MOB3B: variants seen among roughly 807,000 people sequenced by gnomAD.
The protein encoded by MOB3B is MOB kinase activator 3B.
MOB3B carries 7 observed loss-of-function variants against 18.7 expected under a neutral mutation model. The ratio of observed to expected loss-of-function variants is 0.37; its 90% CI spans 0.21 to 0.70. The LOEUF is 0.70. Among genes scored for constraint, MOB3B ranks in the 30% least tolerant of loss-of-function variants. MOB3B has a pLI of 0.52. For synonymous variants in MOB3B, 111 were observed against 99.9 expected (o/e 1.11, Z -0.66); for missense variants, 253 against 281.3 (o/e 0.90, Z 0.72).
intron 1 of MOB3B, among the ~76,000 whole-genome samples, chr9:27,460,603 T>C (rs1397599928): frequency 1.3e-5 from 2 of 152,060 alleles, no homozygotes; most frequent in African/African-American, 2.4e-5. Flanking sequence ...ACCTTGGTGG[T>C]ACTGAAGGGT....
intron 2 of MOB3B, among the ~76,000 whole-genome samples, chr9:27,429,489 A>G (rs1822386786): frequency 6.6e-6 from 1 of 152,244 alleles, no homozygotes; most frequent in Non-Finnish European, 1.5e-5. Flanking sequence ...AGCAATTCAA[A>G]ATGATAAATA....
chr9:27,339,805 G>A (rs141776512), intron 3 of MOB3B, among the ~76,000 whole-genome samples: 34 of 152,294 alleles, frequency 2.2e-4, no homozygotes, highest in African/African-American at 8.2e-4. Context: ...CTGAATCAGC[G>A]GCTGTACCAC....
At chr9:27,471,866 A>G (rs1251931435) in intron 1 of MOB3B, among the ~76,000 whole-genome samples, 2 of 152,192 alleles carry the variant, frequency 1.3e-5, no homozygotes, top group Non-Finnish European at 2.9e-5. Flanking sequence ...TTAGTGGGTT[A>G]TACCTTGCAG....
At chr9:27,492,664 C>T (rs973812625) in intron 1 of MOB3B, among the ~76,000 whole-genome samples, 1 of 152,226 alleles carries the variant, frequency 6.6e-6, no homozygotes, top group Non-Finnish European at 1.5e-5. Flanking sequence ...CTAATTGCAT[C>T]TGGAGCAGAA....
chr9:27,380,069 T>G (rs1382636692), intron 2 of MOB3B, among the ~76,000 whole-genome samples: 4 of 152,086 alleles, frequency 2.6e-5, no homozygotes, highest in African/African-American at 9.7e-5. Context: ...ACCCACGCCT[T>G]TCTGGGAAAA....
At chr9:27,496,672 G>A (rs934449505) in intron 1 of MOB3B, among the ~76,000 whole-genome samples, 1 of 152,152 alleles carries the variant, frequency 6.6e-6, no homozygotes, top group African/African-American at 2.4e-5. Flanking sequence ...TTTAGCTCTG[G>A]TTTAATCAAG....
chr9:27,382,077 A>C (rs1301957424), intron 2 of MOB3B, among the ~76,000 whole-genome samples: 3 of 152,186 alleles, frequency 2.0e-5, no homozygotes, highest in African/African-American at 4.8e-5. Context: ...GTCTTTGAGC[A>C]CATTATTTCG....
intron 1 of MOB3B, among the ~76,000 whole-genome samples, chr9:27,514,679 TG>T (rs1228932703): frequency 6.6e-6 from 1 of 152,200 alleles, no homozygotes; most frequent in Non-Finnish European, 1.5e-5. Context: ...CCAACATGTG[TG>T]ACCATGCTTT....
At chr9:27,361,803 G>A (rs1346516314) in intron 2 of MOB3B, among the ~76,000 whole-genome samples, 2 of 152,140 alleles carry the variant, frequency 1.3e-5, no homozygotes, top group Non-Finnish European at 2.9e-5. Flanking sequence ...ACTGCTCACG[G>A]GCTCTGCACA....
intron 2 of MOB3B, among the ~76,000 whole-genome samples, chr9:27,439,933 G>C (rs1020712335): frequency 1.2e-4 from 19 of 152,084 alleles, no homozygotes; most frequent in African/African-American, 4.6e-4. Flanking sequence ...TCATGCTTTG[G>C]GGGTGGGCCC....
intron 3 of MOB3B, among the ~76,000 whole-genome samples, chr9:27,338,458 G>A (rs540630110): frequency 3.3e-5 from 5 of 152,298 alleles, no homozygotes; most frequent in East Asian, 3.9e-4. Flanking sequence ...TCCTTCAGAC[G>A]GGGGTGCAGT....
chr9:27,393,200 A>G (rs980566651), intron 2 of MOB3B, among the ~76,000 whole-genome samples: 3 of 152,206 alleles, frequency 2.0e-5, no homozygotes, highest in Non-Finnish European at 4.4e-5. Flanking sequence ...AGGTGTTTAA[A>G]AGGCTGTCTA....
chr9:27,416,939 A>G (rs985062624), intron 2 of MOB3B, among the ~76,000 whole-genome samples: 1 of 152,180 alleles, frequency 6.6e-6, no homozygotes, highest in Non-Finnish European at 1.5e-5. Context: ...GACACCTGTT[A>G]CCGTTAGTTA....
At chr9:27,364,339 T>C (rs937288810) in intron 2 of MOB3B, among the ~76,000 whole-genome samples, 1 of 151,708 alleles carries the variant, frequency 6.6e-6, no homozygotes, top group East Asian at 1.9e-4. Flanking sequence ...CACTTCAGTA[T>C]TCCCCATTAT....
chr9:27,347,608 T>C (rs970297147), intron 3 of MOB3B, among the ~76,000 whole-genome samples: 1 of 152,168 alleles, frequency 6.6e-6, no homozygotes, highest in Non-Finnish European at 1.5e-5. Context: ...GCGTGTAGGA[T>C]GGATTCTGGG....
intron 1 of MOB3B, among the ~76,000 whole-genome samples, chr9:27,458,378 G>GAAT (rs1344301378): frequency 1.3e-5 from 2 of 151,954 alleles, no homozygotes; most frequent in South Asian, 4.2e-4. Flanking sequence ...GAATAACACC[G>GAAT]AATAATCACA....
In MOB3B at chr9:27,395,457, A is replaced by T. The variant is rs1046158299; in HGVS notation, c.419-36221T>A. Among the ~76,000 whole-genome samples the T allele has an allele frequency of 3.3e-5, 5 of 152,214 alleles. 1 individual carries two copies. The highest frequency in any genetic ancestry group is 4.1e-4 in the South Asian group (2 of 4,820). Reference sequence around the variant, plus strand: ...ATTAAATAATAAATAGATTTTTTAAAAAAAAAAAGACTGTTGATAGGTTGG... The same window carrying T: ...ATTAAATAATAAATAGATTTTTTAATAAAAAAAAGACTGTTGATAGGTTGG... On this transcript the variant is annotated intron_variant, in intron 2 of 3. Coordinates refer to ENST00000262244, the MANE Select transcript of MOB3B (RefSeq NM_024761.5).
intron 1 of MOB3B, among the ~76,000 whole-genome samples, chr9:27,466,452 G>T (rs1819383825): frequency 6.6e-6 from 1 of 152,240 alleles, no homozygotes; most frequent in South Asian, 2.1e-4. Flanking sequence ...CCTTCACATT[G>T]TTCCAACCTC....
At chr9:27,377,309 G>C (rs1233964738) in intron 2 of MOB3B, among the ~76,000 whole-genome samples, 1 of 152,172 alleles carries the variant, frequency 6.6e-6, no homozygotes, top group Non-Finnish European at 1.5e-5. Context: ...CTTGGATTTA[G>C]ATTACACCTG....
Sources: allele counts gnomAD v4.1 joint callset (sites outside exome capture counted in the v4.1 genomes callset), GRCh38; gene constraint gnomAD v4.1.1; transcripts MANE v1.5; gene names NCBI Gene and HGNC (gene_info 2026-07-23, HGNC 2026-07-21).